DYM: variants seen among roughly 807,000 people sequenced by gnomAD.
DYM encodes dyggve-Melchior-Clausen syndrome protein.
Under a neutral mutation model 93.1 loss-of-function variants are expected in DYM, and 78 were observed. The observed-to-expected ratio is 0.84, with a 90% confidence interval of 0.70 to 1.01. The LOEUF (loss-of-function observed/expected upper bound fraction) is 1.01. Ranked by LOEUF, DYM falls within the 50% of genes least tolerant of loss-of-function variation. The pLI is 0.00. For missense variants in DYM, 789 were observed against 845.0 expected (o/e 0.93, Z 0.82); for synonymous variants, 321 against 319.7 (o/e 1.00, Z -0.04).
At chr18:49,296,522 G>A (rs2060571951) in intron 8 of DYM, among the ~76,000 whole-genome samples, 2 of 152,112 alleles carry the variant, frequency 1.3e-5, no homozygotes, top group Admixed American at 1.3e-4. Flanking sequence ...AAACTAACAT[G>A]AAACAGAGAC....
At chr18:49,183,426 G>A (rs1025358737) in intron 14 of DYM, among the ~76,000 whole-genome samples, 5 of 151,918 alleles carry the variant, frequency 3.3e-5, no homozygotes, top group African/African-American at 9.7e-5. Context: ...ACATCAGTCC[G>A]CTCATCATTC....
At position 49,042,134 on chromosome 18, in the gene DYM, G is replaced by C. The variant is rs2070971427; in HGVS notation, c.*1921C>G. ...GGCTGAGAGCGCTTCTCCTCCTTCA[G>C]ACTGGCTCTGCCACAAAGCTAAGTA... On this transcript the variant is annotated 3_prime_UTR_variant, in exon 18 of 18. Coordinates refer to ENST00000675505, the MANE Select transcript of DYM (RefSeq NM_001353214.3). The C allele has an allele frequency of 6.5e-6, 1 of 152,678 alleles. No individual in the cohort carries two copies. Among genetic ancestry groups the C allele is most frequent in the Admixed American group, 6.5e-5 (1 of 15,270 alleles). 9.5% of individuals were successfully genotyped at this position (152,678 alleles called of 1,614,324 possible).
chr18:49,112,300 G>A (rs563127992), intron 16 of DYM, among the ~76,000 whole-genome samples: 9 of 152,268 alleles, frequency 5.9e-5, no homozygotes, highest in Non-Finnish European at 1.2e-4. Flanking sequence ...GCCTGTGAGT[G>A]CAAATTCCTC....
intron 13 of DYM, among the ~76,000 whole-genome samples, chr18:49,226,452 G>T (rs1024824562): frequency 6.6e-6 from 1 of 152,150 alleles, no homozygotes; most frequent in Non-Finnish European, 1.5e-5. Context: ...AAGCTGGCTT[G>T]GTTCCCAGCA....
intron 13 of DYM, among the ~76,000 whole-genome samples, chr18:49,223,796 G>A (rs538790562): frequency 6.6e-6 from 1 of 152,158 alleles, no homozygotes; most frequent in African/African-American, 2.4e-5. Context: ...GAAAAAGGCA[G>A]ACATAGGACT....
intron 14 of DYM, among the ~76,000 whole-genome samples, chr18:49,172,448 T>G (rs1427279960): frequency 6.6e-6 from 1 of 152,228 alleles, no homozygotes; most frequent in African/African-American, 2.4e-5. Context: ...ACTTGGCATT[T>G]CAGTCTTTTT....
chr18:49,405,586 A>G (rs1435701629), intron 2 of DYM, among the ~76,000 whole-genome samples: 1 of 152,114 alleles, frequency 6.6e-6, no homozygotes, highest in Non-Finnish European at 1.5e-5. Context: ...ATTCTGTTCC[A>G]TTGGTCTGTT....
chr18:49,370,292 A>C (rs1198163146), intron 5 of DYM, among the ~76,000 whole-genome samples: 1 of 150,406 alleles, frequency 6.6e-6, no homozygotes, highest in Admixed American at 6.6e-5. Context: ...AAAAAAAAAA[A>C]AAAAAAACAA....
intron 8 of DYM, 40 bp downstream of exon 8, chr18:49,331,824 T>C (rs1356540377): frequency 6.2e-7 from 1 of 1,612,334 alleles, no homozygotes; most frequent in South Asian, 1.1e-5. Context: ...AGATAAAATT[T>C]ATGTGCACCA....
In DYM at chr18:49,193,177, T is replaced by C. The variant is rs535995758; in HGVS notation, c.1625+16374A>G. 2.0e-4 allele frequency among the ~76,000 whole-genome samples: 30 copies of C among 152,136 alleles called. No homozygotes were observed. The East Asian group carries it at 5.4e-3, about 27-fold the overall frequency. ...ACCCCATAAATATGTAACTGTAATT[T>C]GTCAATATATAATAAAAATAAAATT... is the stretch of plus-strand genomic sequence containing the variant. On this transcript the variant is annotated intron_variant, in intron 14 of 17. Transcript: ENST00000675505.
At chr18:49,304,984 T>A (rs1359389945) in intron 8 of DYM, among the ~76,000 whole-genome samples, 2 of 152,086 alleles carry the variant, frequency 1.3e-5, no homozygotes, top group Non-Finnish European at 2.9e-5. Flanking sequence ...CAATTCTGAA[T>A]TCATGCATTC....
intron 6 of DYM, among the ~76,000 whole-genome samples, chr18:49,348,103 AC>A (rs1236172402): frequency 2.6e-5 from 4 of 152,158 alleles, no homozygotes; most frequent in African/African-American, 9.7e-5. Context: ...AAGACAAAAG[AC>A]TTCATGAAAT....
At chr18:49,294,302 C>G (rs974890780) in intron 8 of DYM, among the ~76,000 whole-genome samples, 2 of 152,146 alleles carry the variant, frequency 1.3e-5, no homozygotes, top group Non-Finnish European at 2.9e-5. Flanking sequence ...TATACAGGCT[C>G]TTTTTTGGTT....
chr18:49,061,956 CTT>C (rs1568358577), intron 17 of DYM, among the ~76,000 whole-genome samples: 2 of 152,176 alleles, frequency 1.3e-5, no homozygotes, highest in Non-Finnish European at 2.9e-5. Context: ...CCTAATAAGT[CTT>C]TATTTTTCTG....
At chr18:49,416,632 AT>A (rs1209971785) in intron 2 of DYM, among the ~76,000 whole-genome samples, 11 of 152,204 alleles carry the variant, frequency 7.2e-5, no homozygotes, top group African/African-American at 2.7e-4. Context: ...AGGACTTTCC[AT>A]TTCCTACACA....
At chr18:49,170,983 C>T (rs910037765) in intron 14 of DYM, among the ~76,000 whole-genome samples, 1 of 151,630 alleles carries the variant, frequency 6.6e-6, no homozygotes, top group Non-Finnish European at 1.5e-5. Flanking sequence ...TAGGATTTAC[C>T]AAAAACAAAC....
At chr18:49,424,136 C>T (rs572854978) in intron 2 of DYM, among the ~76,000 whole-genome samples, 2 of 152,150 alleles carry the variant, frequency 1.3e-5, no homozygotes, top group South Asian at 2.1e-4. Flanking sequence ...AACATCGATG[C>T]AAAAATCCTC....
intron 15 of DYM, among the ~76,000 whole-genome samples, chr18:49,145,552 C>T (rs2085031605): frequency 6.6e-6 from 1 of 151,296 alleles, no homozygotes; most frequent in African/African-American, 2.4e-5. Flanking sequence ...TTATAGGTAA[C>T]TGTTTAACAA....
At chr18:49,055,511 G>A (rs1344968440) in intron 17 of DYM, among the ~76,000 whole-genome samples, 3 of 152,170 alleles carry the variant, frequency 2.0e-5, no homozygotes, top group Non-Finnish European at 2.9e-5. Flanking sequence ...GTAGGAGATG[G>A]GGGCAAAAGT....
Sources: allele counts gnomAD v4.1 joint callset (sites outside exome capture counted in the v4.1 genomes callset), GRCh38; gene constraint gnomAD v4.1.1; transcripts MANE v1.5; gene names NCBI Gene and HGNC (gene_info 2026-07-23, HGNC 2026-07-21).